Variants in STXBP5 observed in about 807,000 individuals in gnomAD.
STXBP5 encodes syntaxin binding protein 5.
Under a neutral mutation model 152.4 loss-of-function variants are expected in STXBP5, and 50 were observed. The observed-to-expected ratio is 0.33, with a 90% confidence interval of 0.26 to 0.42. The LOEUF (loss-of-function observed/expected upper bound fraction) is 0.42. Ranked by LOEUF, STXBP5 falls within the 10% of genes least tolerant of loss-of-function variation. The pLI, the probability that STXBP5 is intolerant of heterozygous loss-of-function variation, is 1.00. For synonymous variants in STXBP5, 492 were observed against 494.7 expected, an observed-to-expected ratio of 0.99 and a Z score of 0.07; for missense variants, 1,167 against 1,388.6, an observed-to-expected ratio of 0.84 and a Z score of 2.54.
At chr6:147,248,246 G>A (rs541310090) in intron 4 of STXBP5, among the ~76,000 whole-genome samples, 74 of 146,610 alleles carry the variant, frequency 5.0e-4, no homozygotes, top group Admixed American at 1.7e-3. Flanking sequence ...ACACCACTGC[G>A]CTCCAAACTG....
At chr6:147,360,017 A>AT (rs1322104216) in intron 23 of STXBP5, among the ~76,000 whole-genome samples, 1 of 152,260 alleles carries the variant, frequency 6.6e-6, no homozygotes, top group Non-Finnish European at 1.5e-5. Flanking sequence ...AAAGGAAGAC[A>AT]TTTATGCAGC....
chr6:147,206,763 A>G (rs1034529236), intron 2 of STXBP5, among the ~76,000 whole-genome samples: 1 of 152,168 alleles, frequency 6.6e-6, no homozygotes, highest in African/African-American at 2.4e-5. Flanking sequence ...TATGAACTAT[A>G]TTAGTTTTAT....
chr6:147,329,215 T>G (rs1783426558), intron 18 of STXBP5, among the ~76,000 whole-genome samples: 1 of 148,948 alleles, frequency 6.7e-6, no homozygotes, highest in Non-Finnish European at 1.5e-5. Flanking sequence ...AAATATTTTT[T>G]AAAATTTATA....
intron 8 of STXBP5, among the ~76,000 whole-genome samples, chr6:147,285,216 T>G (rs1163624957): frequency 1.3e-5 from 2 of 152,166 alleles, no homozygotes; most frequent in Non-Finnish European, 1.5e-5. Flanking sequence ...AGTTCACGGA[T>G]AGTTAAAAGA....
At chr6:147,364,584 A>G (rs563779567) in intron 25 of STXBP5, among the ~76,000 whole-genome samples, 1 of 152,324 alleles carries the variant, frequency 6.6e-6, no homozygotes, top group African/African-American at 2.4e-5. Context: ...TACACAGAAG[A>G]AAAAAATGTT....
intron 16 of STXBP5, among the ~76,000 whole-genome samples, chr6:147,322,049 G>A (rs558044685): frequency 5.9e-5 from 9 of 152,076 alleles, no homozygotes; most frequent in Non-Finnish European, 8.8e-5. Context: ...AATCTTAAAT[G>A]TGCCCATATA....
intron 2 of STXBP5, among the ~76,000 whole-genome samples, chr6:147,231,053 G>A (rs960822376): frequency 6.6e-6 from 1 of 151,612 alleles, no homozygotes; most frequent in African/African-American, 2.4e-5. Flanking sequence ...GGCAGTTAGA[G>A]TGACGCTTGT....
chr6:147,315,651 T>C lies in STXBP5; in HGVS notation c.1539T>C (p.Ser513=). 4 of 1,613,956 alleles carry C rather than the reference T, an allele frequency of 2.5e-6. No homozygotes were observed. Among genetic ancestry groups the C allele is most frequent in the Non-Finnish European group, 3.4e-6 (4 of 1,179,922 alleles). ...AIQIISWCPE[S]RMLCIAGVSA... is the part of the protein sequence containing the mutation. ...AGATCATCTCCTGGTGTCCAGAAAG[T>C]AGAATGCTGTGCATCGCTGGAGTTT... Residue 513 remains serine, a synonymous_variant, in exon 15 of 28, where the codon AGT becomes AGC. Coordinates refer to ENST00000321680, the MANE Select transcript of STXBP5 (RefSeq NM_001127715.4).
chr6:147,379,294 C>T (rs941051338), intron 26 of STXBP5, among the ~76,000 whole-genome samples: 5 of 152,122 alleles, frequency 3.3e-5, no homozygotes, highest in Non-Finnish European at 5.9e-5. Flanking sequence ...GGAGACATTA[C>T]TCTGCCTATC....
At chr6:147,382,482 A>G (rs1437939750) in intron 26 of STXBP5, among the ~76,000 whole-genome samples, 1 of 152,144 alleles carries the variant, frequency 6.6e-6, no homozygotes, top group African/African-American at 2.4e-5. Flanking sequence ...AATTGGTAAC[A>G]ATATACCTTT....
chr6:147,299,134 G>T (rs140979109), intron 9 of STXBP5, among the ~76,000 whole-genome samples: 106 of 151,674 alleles, frequency 7.0e-4, no homozygotes, highest in African/African-American at 2.5e-3. Flanking sequence ...TTAAGAAAAA[G>T]AGATGACTCA....
intron 21 of STXBP5, among the ~76,000 whole-genome samples, chr6:147,339,633 T>C (rs1449076012): frequency 1.3e-5 from 2 of 152,030 alleles, no homozygotes; most frequent in Admixed American, 1.3e-4. Flanking sequence ...TTTGCTTTAC[T>C]TTAAAATAAA....
chr6:147,294,107 T>C (rs1290710807), intron 9 of STXBP5, among the ~76,000 whole-genome samples: 1 of 152,182 alleles, frequency 6.6e-6, no homozygotes, highest in Non-Finnish European at 1.5e-5. Flanking sequence ...AGTTTTATTA[T>C]GGAACCAGTT....
intron 4 of STXBP5, among the ~76,000 whole-genome samples, chr6:147,259,612 T>G (rs1945207878): frequency 6.6e-6 from 1 of 152,196 alleles, no homozygotes; most frequent in South Asian, 2.1e-4. Flanking sequence ...TACAAAATAT[T>G]CTGTATGCTT....
Position 147,312,095 on chromosome 6 carries a change from A to G in STXBP5, c.1145+568A>G, listed in dbSNP as rs897540580. 2.6e-5 allele frequency among the ~76,000 whole-genome samples: 4 copies of G among 152,308 alleles called. No individual in the cohort carries two copies. In the East Asian group the frequency reaches 7.7e-4, roughly 29 times the overall value. ...AAACAGAACTATGTATTCAACAGAC[A>G]TCACATTTCTATGTCTTCTCCTATG... On this transcript the variant is annotated intron_variant, in intron 11 of 27. Transcript: ENST00000321680.
intron 26 of STXBP5, among the ~76,000 whole-genome samples, chr6:147,379,156 CT>C (rs1245721068): frequency 6.6e-6 from 1 of 151,912 alleles, no homozygotes; most frequent in Non-Finnish European, 1.5e-5. Flanking sequence ...TTAGGTTAGG[CT>C]TACCTAAATA....
chr6:147,284,259 A>T (rs1780845834), intron 8 of STXBP5, among the ~76,000 whole-genome samples: 1 of 152,170 alleles, frequency 6.6e-6, no homozygotes, highest in Admixed American at 6.5e-5. Context: ...GACTGAGAAC[A>T]TAACTGCAGT....
At chr6:147,355,695 T>G (rs767525213) in intron 22 of STXBP5, among the ~76,000 whole-genome samples, 7 of 152,112 alleles carry the variant, frequency 4.6e-5, no homozygotes, top group Non-Finnish European at 7.4e-5. Flanking sequence ...GTTTAATTGT[T>G]TGTTAAATTG....
intron 9 of STXBP5, among the ~76,000 whole-genome samples, chr6:147,307,877 A>C (rs998530086): frequency 1.3e-5 from 2 of 152,136 alleles, no homozygotes; most frequent in Non-Finnish European, 1.5e-5. Flanking sequence ...GGATAAACCT[A>C]CCTAGCTACC....
Sources: gnomAD v4.1 joint callset for allele counts (sites outside exome capture counted in the v4.1 genomes callset) on GRCh38, gnomAD v4.1.1 for gene constraint, MANE v1.5 for transcripts, NCBI Gene and HGNC (gene_info 2026-07-23, HGNC 2026-07-21) for gene names.